The following PRKCE variants were observed in gnomAD, a reference collection of about 807,000 sequenced individuals.
PRKCE encodes the protein protein kinase C epsilon, also known as protein kinase C epsilon type.
Under a neutral mutation model 85.4 loss-of-function variants are expected in PRKCE, and 16 were observed. That is an observed-to-expected ratio of 0.19 (90% CI 0.13 to 0.28). The LOEUF is 0.28. Ranked by LOEUF, PRKCE falls within the 10% of genes least tolerant of loss-of-function variation. The probability of loss-of-function intolerance (pLI) is 1.00; values close to 1 mark genes in which losing one functional copy is unlikely to be tolerated. For synonymous variants in PRKCE, 388 were observed against 371.5 expected (o/e 1.04, Z -0.51); for missense variants, 573 against 975.2 (o/e 0.59, Z 5.49).
At chr2:45,846,788 A>G (rs1691827533) in intron 2 of PRKCE, among the ~76,000 whole-genome samples, 1 of 152,172 alleles carries the variant, frequency 6.6e-6, no homozygotes, top group Non-Finnish European at 1.5e-5. Context: ...CACCCACAAC[A>G]CAGGGATAAT....
intron 6 of PRKCE, among the ~76,000 whole-genome samples, chr2:45,994,440 C>A (rs1468315908): frequency 6.6e-6 from 1 of 152,206 alleles, no homozygotes; most frequent in African/African-American, 2.4e-5. Context: ...TGTTCTGCTT[C>A]TTCATCCCTC....
chr2:45,813,890 C>T (rs963890174), intron 1 of PRKCE, among the ~76,000 whole-genome samples: 6 of 152,210 alleles, frequency 3.9e-5, no homozygotes, highest in African/African-American at 1.2e-4. Context: ...GGTATAAATA[C>T]AGCTGAGATT....
intron 11 of PRKCE, among the ~76,000 whole-genome samples, chr2:46,116,606 G>A (rs1047715286): frequency 3.9e-5 from 6 of 152,144 alleles, no homozygotes; most frequent in Non-Finnish European, 7.4e-5. Flanking sequence ...GGATTGATGG[G>A]ATTTGGTCTG....
At chr2:45,835,991 G>A (rs1013270521) in intron 1 of PRKCE, among the ~76,000 whole-genome samples, 3 of 152,198 alleles carry the variant, frequency 2.0e-5, no homozygotes, top group African/African-American at 7.2e-5. Context: ...GACATTTCCA[G>A]TTTTGGGCTG....
At chr2:45,973,725 A>T (rs1298097298) in intron 2 of PRKCE, among the ~76,000 whole-genome samples, 2 of 152,116 alleles carry the variant, frequency 1.3e-5, no homozygotes, top group East Asian at 3.9e-4. Context: ...GCCCTATTGG[A>T]TTGATGTCAA....
At chr2:45,997,694 A>G (rs2345630) in intron 6 of PRKCE, among the ~76,000 whole-genome samples, 108,248 of 151,844 alleles carry the variant, frequency 0.71, 39,136 homozygotes, top group African/African-American at 0.82. Flanking sequence ...TTGCAGGCAT[A>G]CGCCACCACA....
chr2:45,666,704 G>C (rs1398814993), intron 1 of PRKCE, among the ~76,000 whole-genome samples: 2 of 151,956 alleles, frequency 1.3e-5, no homozygotes, highest in African/African-American at 4.8e-5. Flanking sequence ...TAAAATTACT[G>C]ATGCCCAGTG....
chr2:45,763,680 CTT>C (rs1256500078), intron 1 of PRKCE, among the ~76,000 whole-genome samples: 1 of 152,168 alleles, frequency 6.6e-6, no homozygotes, highest in Non-Finnish European at 1.5e-5. Flanking sequence ...CCTCCGCTGT[CTT>C]TTGCTGCCCT....
At chr2:46,054,388 T>C (rs1666362181) in intron 10 of PRKCE, among the ~76,000 whole-genome samples, 1 of 152,208 alleles carries the variant, frequency 6.6e-6, no homozygotes, top group African/African-American at 2.4e-5. Context: ...TGCAGGAAGT[T>C]AAGCATCAGA....
intron 2 of PRKCE, among the ~76,000 whole-genome samples, chr2:45,894,983 A>G (rs972992628): frequency 8.5e-5 from 13 of 152,322 alleles, no homozygotes; most frequent in Admixed American, 7.2e-4. Context: ...TCAGCCTCCC[A>G]AAGTGCTGGG....
chr2:45,668,357 G>A (rs933356003), intron 1 of PRKCE, among the ~76,000 whole-genome samples: 2 of 152,262 alleles, frequency 1.3e-5, no homozygotes, highest in African/African-American at 4.8e-5. Flanking sequence ...ACACAAAAAT[G>A]TTTGCTATTG....
chr2:45,665,753 A>G (rs1027127848), intron 1 of PRKCE, among the ~76,000 whole-genome samples: 5 of 152,176 alleles, frequency 3.3e-5, no homozygotes, highest in African/African-American at 1.2e-4. Context: ...TTATACTACA[A>G]AAGTATTTGT....
chr2:45,689,449 A>G (rs1013557532), intron 1 of PRKCE, among the ~76,000 whole-genome samples: 1 of 152,108 alleles, frequency 6.6e-6, no homozygotes, highest in Admixed American at 6.6e-5. Flanking sequence ...AGAAGGTATT[A>G]GACAGTTTCA....
intron 2 of PRKCE, among the ~76,000 whole-genome samples, chr2:45,954,011 T>C (rs931158818): frequency 3.3e-5 from 5 of 152,330 alleles, no homozygotes; most frequent in African/African-American, 7.2e-5. Context: ...TGCAATCTTA[T>C]CTAGTGCCAG....
At chr2:45,969,649 C>G (rs113255477) in intron 2 of PRKCE, among the ~76,000 whole-genome samples, 2 of 152,184 alleles carry the variant, frequency 1.3e-5, no homozygotes, top group Admixed American at 6.5e-5. Flanking sequence ...AGCAACCCCC[C>G]ACTCCTGCAG....
intron 1 of PRKCE, among the ~76,000 whole-genome samples, chr2:45,761,781 C>T (rs552941592): frequency 6.6e-6 from 1 of 152,322 alleles, no homozygotes; most frequent in South Asian, 2.1e-4. Flanking sequence ...AGGTTTTCTA[C>T]TGAGCCCTCG....
At chr2:45,957,092 T>A (rs1275747002) in intron 2 of PRKCE, among the ~76,000 whole-genome samples, 1 of 152,266 alleles carries the variant, frequency 6.6e-6, no homozygotes, top group Non-Finnish European at 1.5e-5. Context: ...ATACTTGTCT[T>A]TTCATTCTCT....
intron 14 of PRKCE, among the ~76,000 whole-genome samples, chr2:46,168,745 A>G (rs1241951689): frequency 6.6e-6 from 1 of 152,206 alleles, no homozygotes; most frequent in Non-Finnish European, 1.5e-5. Flanking sequence ...AGGAATTTGG[A>G]GCTCTGCCTT....
intron 2 of PRKCE, among the ~76,000 whole-genome samples, chr2:45,921,345 G>GT (rs1266241916): frequency 2.6e-5 from 4 of 151,904 alleles, no homozygotes; most frequent in Non-Finnish European, 1.5e-5. Flanking sequence ...ATAAATTGTT[G>GT]TAAAAAAAAC....
Sources: allele counts gnomAD v4.1 joint callset (sites outside exome capture counted in the v4.1 genomes callset), GRCh38; gene constraint gnomAD v4.1.1; transcripts MANE v1.5; gene names NCBI Gene and HGNC (gene_info 2026-07-23, HGNC 2026-07-21).